Variants in PLCE1 observed in about 807,000 individuals in gnomAD.
The protein encoded by PLCE1 is phospholipase C epsilon 1, also known as 1-phosphatidylinositol 4,5-bisphosphate phosphodiesterase epsilon-1.
In PLCE1, 119 loss-of-function variants were observed where a neutral mutation model predicts 242.8. The observed-to-expected ratio is 0.49, with a 90% confidence interval of 0.42 to 0.57. PLCE1 has a LOEUF of 0.57. PLCE1 is among the 20% of genes least tolerant of loss of function. The pLI is 0.00. For synonymous variants in PLCE1, 945 were observed against 1,017.4 expected, an observed-to-expected ratio of 0.93 and a Z score of 1.35; for missense variants, 2,441 against 2,788.8, an observed-to-expected ratio of 0.88 and a Z score of 2.81.
intron 2 of PLCE1, among the ~76,000 whole-genome samples, chr10:94,071,078 T>G (rs1168222175): frequency 6.6e-6 from 1 of 152,182 alleles, no homozygotes; most frequent in Non-Finnish European, 1.5e-5. Context: ...CTAAGCAGCT[T>G]GCTCAAGACC....
At chr10:94,189,567 T>C (rs1417283767) in intron 4 of PLCE1, among the ~76,000 whole-genome samples, 3 of 152,104 alleles carry the variant, frequency 2.0e-5, no homozygotes, top group African/African-American at 4.8e-5. Flanking sequence ...TCATGCATGA[T>C]GGACTGAAGA....
At chr10:94,017,376 T>A (rs2061301359) in intron 1 of PLCE1, among the ~76,000 whole-genome samples, 1 of 152,222 alleles carries the variant, frequency 6.6e-6, no homozygotes, top group South Asian at 2.1e-4. Flanking sequence ...TTCCTTTGGA[T>A]GATGAATTCT....
At chr10:94,048,430 C>G (rs2043660461) in intron 2 of PLCE1, among the ~76,000 whole-genome samples, 1 of 151,998 alleles carries the variant, frequency 6.6e-6, no homozygotes, top group East Asian at 1.9e-4. Context: ...TTCTTTGGAT[C>G]TACACTCTCT....
chr10:94,021,893 A>G (rs1468745473), intron 1 of PLCE1, among the ~76,000 whole-genome samples: 3 of 152,130 alleles, frequency 2.0e-5, no homozygotes, highest in African/African-American at 7.2e-5. Context: ...CTAGGAACAC[A>G]AGATAAAATC....
At chr10:94,082,480 T>C (rs1470994442) in intron 2 of PLCE1, among the ~76,000 whole-genome samples, 1 of 152,124 alleles carries the variant, frequency 6.6e-6, no homozygotes, top group Non-Finnish European at 1.5e-5. Flanking sequence ...GGAGGGGCCC[T>C]GTGCAATCAC....
intron 3 of PLCE1, among the ~76,000 whole-genome samples, chr10:94,141,648 G>A: frequency 3.3e-3 from 6 of 1,810 alleles, no homozygotes; most frequent in African/African-American, 0.015. Flanking sequence ...AAAGAAGGAA[G>A]GAAAGAAGAA....
intron 3 of PLCE1, among the ~76,000 whole-genome samples, chr10:94,142,564 G>A (rs2047003793): frequency 6.6e-6 from 1 of 152,172 alleles, no homozygotes; most frequent in Non-Finnish European, 1.5e-5. Context: ...GCTTGGCATA[G>A]TATCTGGTAC....
At chr10:94,272,440 G>T (rs912443551) in intron 18 of PLCE1, among the ~76,000 whole-genome samples, 1 of 152,012 alleles carries the variant, frequency 6.6e-6, no homozygotes, top group Non-Finnish European at 1.5e-5. Flanking sequence ...CCCTAAAATC[G>T]CTGTTATTCT....
chr10:94,166,579 G>GGTGTGTGTGTGTGTGTGTGTGT (rs56088035), intron 3 of PLCE1, among the ~76,000 whole-genome samples: 9 of 145,854 alleles, frequency 6.2e-5, no homozygotes, highest in African/African-American at 2.1e-4. Flanking sequence ...AGAGAAAAAA[G>GGTGTGTGTGTGTGTGTGTGTGT]GTGTGTGTGT....
Position 94,132,464 on chromosome 10 carries a change from T to G in PLCE1, c.1492+5T>G. On this transcript the variant is annotated splice_donor_5th_base_variant and intron_variant, in intron 3 of 32. Transcript: ENST00000371380. Reference sequence around the variant, plus strand: ...CTGGACGAATGATGCTGAAAGGTAATGCCTGAAATTTCACTTTTAACTTTC... The same window carrying G: ...CTGGACGAATGATGCTGAAAGGTAAGGCCTGAAATTTCACTTTTAACTTTC... The G allele has an allele frequency of 3.1e-6, 5 of 1,613,224 alleles. No individual in the cohort carries two copies. Among genetic ancestry groups the G allele is most frequent in the Non-Finnish European group, 1.7e-6 (2 of 1,179,346 alleles).
At chr10:94,007,318 C>CTCTCTCTCTTTTTTTTTTTTTTTTTTTT (rs2061057624) in intron 1 of PLCE1, among the ~76,000 whole-genome samples, 1 of 140,486 alleles carries the variant, frequency 7.1e-6, no homozygotes, top group African/African-American at 2.5e-5. Context: ...ATAGTTGAAT[C>CTCTCTCTCTTTTTTTTTTTTTTTTTTTT]TGTGGGTGGG....
chr10:94,233,840 AG>A (rs1196056201), intron 5 of PLCE1, among the ~76,000 whole-genome samples: 1 of 151,764 alleles, frequency 6.6e-6, no homozygotes, highest in East Asian at 1.9e-4. Context: ...CCCAGCTACT[AG>A]GGAGGCTGAG....
chr10:94,304,716 T>C, intron 25 of PLCE1, 71 bp downstream of exon 25: 2 of 1,436,904 alleles, frequency 1.4e-6, no homozygotes, highest in South Asian at 2.3e-5. Context: ...TGGTTTTGAA[T>C]TCAAGGCATT....
chr10:94,066,841 C>T (rs1157366885), intron 2 of PLCE1, among the ~76,000 whole-genome samples: 2 of 152,168 alleles, frequency 1.3e-5, no homozygotes, highest in African/African-American at 4.8e-5. Context: ...ACCAAGCAGT[C>T]CTAAAATGTC....
At chr10:94,207,442 T>A (rs1429935575) in intron 4 of PLCE1, among the ~76,000 whole-genome samples, 1 of 152,164 alleles carries the variant, frequency 6.6e-6, no homozygotes, top group East Asian at 1.9e-4. Context: ...GTGTTAAATT[T>A]GAAATGTAGG....
chr10:94,011,784 A>G (rs969417692), intron 1 of PLCE1, among the ~76,000 whole-genome samples: 1 of 152,006 alleles, frequency 6.6e-6, no homozygotes. Context: ...TTCTATGTGC[A>G]TGGGATTGAG....
Position 94,273,624 on chromosome 10 carries a change from A to G in PLCE1, c.4569A>G (p.Pro1523=). The G allele has an allele frequency of 6.2e-7, 1 of 1,613,692 alleles. No individual in the cohort carries two copies. The change falls in exon 19 of 33, where the codon CCA becomes CCG. Residue 1523 remains proline, a synonymous_variant. Coordinates refer to ENST00000371380, the MANE Select transcript of PLCE1 (RefSeq NM_016341.4). ...FLFETDFSDD[P]MLPSPDQLRK... The stretch of plus-strand genomic sequence containing the variant: ...TTGAGACTGATTTCTCAGATGATCC[A>G]ATGCTTCCTTCACCTGACCAACTCA...
chr10:94,149,569 T>C (rs981102126), intron 3 of PLCE1, among the ~76,000 whole-genome samples: 5 of 152,188 alleles, frequency 3.3e-5, no homozygotes, highest in African/African-American at 1.2e-4. Flanking sequence ...AGACTTTGGG[T>C]CAGAAACTGC....
chr10:94,055,411 G>A (rs1280307871), intron 2 of PLCE1, among the ~76,000 whole-genome samples: 1 of 151,784 alleles, frequency 6.6e-6, no homozygotes, highest in African/African-American at 2.4e-5. Context: ...CACCCCCCGG[G>A]TTCAAGTGAT....
Sources: allele counts gnomAD v4.1 joint callset (sites outside exome capture counted in the v4.1 genomes callset), GRCh38; gene constraint gnomAD v4.1.1; transcripts MANE v1.5; gene names NCBI Gene and HGNC (gene_info 2026-07-23, HGNC 2026-07-21).